The following TMCC1 variants were observed in gnomAD, a reference collection of about 807,000 sequenced individuals.
TMCC1 encodes transmembrane and coiled-coil domains protein 1.
TMCC1 carries 15 observed loss-of-function variants against 52.4 expected under a neutral mutation model. That is an observed-to-expected ratio of 0.29 (90% CI 0.19 to 0.44). The LOEUF is 0.44. Ranked by LOEUF, TMCC1 falls within the 20% of genes least tolerant of loss-of-function variation. TMCC1 has a pLI of 1.00. For synonymous variants in TMCC1, 279 were observed against 301.9 expected (o/e 0.92, Z 0.79); for missense variants, 503 against 806.0 (o/e 0.62, Z 4.55).
chr3:129,839,340 A>G (rs1028849041), intron 2 of TMCC1, among the ~76,000 whole-genome samples: 3 of 152,118 alleles, frequency 2.0e-5, no homozygotes, highest in Non-Finnish European at 4.4e-5. Context: ...CACCTGAAAA[A>G]CTCAGGTTAT....
chr3:129,779,614 CTT>C (rs2055348367), intron 4 of TMCC1, among the ~76,000 whole-genome samples: 1 of 152,252 alleles, frequency 6.6e-6, no homozygotes, highest in East Asian at 1.9e-4. Flanking sequence ...AGATTTACCT[CTT>C]TGAATTCTTT....
chr3:129,882,447 A>G (rs2061502870), intron 1 of TMCC1, among the ~76,000 whole-genome samples: 2 of 152,162 alleles, frequency 1.3e-5, no homozygotes, highest in South Asian at 4.1e-4. Context: ...ACTGGGGAAA[A>G]CAGTATGGAA....
intron 4 of TMCC1, among the ~76,000 whole-genome samples, chr3:129,750,178 TTTA>T (rs1440061657): frequency 2.0e-5 from 3 of 152,084 alleles, no homozygotes; most frequent in Non-Finnish European, 4.4e-5. Flanking sequence ...AAATCTTTAT[TTTA>T]TTATTATTTA....
chr3:129,771,797 A>AAAAT (rs60824072), intron 4 of TMCC1, among the ~76,000 whole-genome samples: 1 of 86,890 alleles, frequency 1.2e-5, no homozygotes, highest in Non-Finnish European at 2.4e-5. Flanking sequence ...AAAAAAAAAA[A>AAAAT]AAGAAGAAGA....
At chr3:129,794,277 G>A (rs979455050) in intron 4 of TMCC1, 1 of 456,150 alleles carries the variant, frequency 2.2e-6, no homozygotes. Context: ...CCATGCTGAA[G>A]CAAGTGAGAG....
At chr3:129,676,120 T>C (rs2088425048) in intron 4 of TMCC1, among the ~76,000 whole-genome samples, 1 of 151,744 alleles carries the variant, frequency 6.6e-6, no homozygotes, top group South Asian at 2.1e-4. Flanking sequence ...CCACCAGTTA[T>C]TACAAGGCAG....
chr3:129,854,678 T>A (rs1314822561), intron 2 of TMCC1, among the ~76,000 whole-genome samples: 1 of 152,142 alleles, frequency 6.6e-6, no homozygotes, highest in Non-Finnish European at 1.5e-5. Context: ...TGGACAACCA[T>A]CTCCCATCTA....
At position 129,827,951 on chromosome 3, in the gene TMCC1, T is replaced by C; in HGVS notation, c.428A>G (p.Gln143Arg). 6.2e-7 allele frequency: 1 copy of C among 1,614,176 alleles called. No individual in the cohort carries two copies. Among genetic ancestry groups the C allele is most frequent in the Non-Finnish European group, 8.5e-7 (1 of 1,180,012 alleles). The change falls in exon 4 of 7, where the codon CAG becomes CGG. Residue 143 changes from glutamine to arginine, a missense_variant. Around this residue, in one of 7 missense-constraint regions of TMCC1, gnomAD observed 217 missense variants for 297.9 expected, o/e 0.73. Transcript: ENST00000393238. The part of the protein sequence containing the change: ...GSPQINRKSG[Q>R]EMTAVMQSGR... ...TGACTGCATAACAGCTGTCATCTCC[T>C]GACCAGACTTCCTGTTGATTTGGGG... is the stretch of plus-strand genomic sequence containing the variant.
chr3:129,796,879 T>C (rs957341375), intron 4 of TMCC1, among the ~76,000 whole-genome samples: 15 of 152,178 alleles, frequency 9.9e-5, no homozygotes, highest in Non-Finnish European at 1.9e-4. Flanking sequence ...GAAAATCATG[T>C]AGTGTTTGTA....
chr3:129,871,075 T>A (rs1029543444), intron 2 of TMCC1, among the ~76,000 whole-genome samples: 40 of 152,054 alleles, frequency 2.6e-4, no homozygotes, highest in Non-Finnish European at 1.6e-4. Context: ...GAGTAGGATC[T>A]TGCCTGGGCG....
chr3:129,670,703 A>C lies in TMCC1; in HGVS notation c.1138T>G (p.Phe380Val). ...TTGGGGATGTTGTCTGCACTGCCAA[A>C]TTTGTTCCGAATGAGTGAGGCAATC... Reference protein sequence around the residue: ...REIASLIRNKFGSADNIPNLK... With the variant: ...REIASLIRNKVGSADNIPNLK... The change falls in exon 5 of 7, where the codon TTT (phenylalanine) becomes GTT (valine). Residue 380 changes from phenylalanine (F) to valine (V), a missense_variant. Transcript: ENST00000393238. 1.9e-6 allele frequency: 3 copies of C among 1,613,992 alleles called. No individual in the cohort carries two copies. Among genetic ancestry groups the C allele is most frequent in the Non-Finnish European group, 2.5e-6 (3 of 1,180,008 alleles).
At chr3:129,690,869 C>T (rs553752419) in intron 4 of TMCC1, among the ~76,000 whole-genome samples, 35 of 152,220 alleles carry the variant, frequency 2.3e-4, no homozygotes, top group Non-Finnish European at 4.0e-4. Flanking sequence ...TTAGAGGTTC[C>T]GCCAAGATGG....
chr3:129,730,678 A>G (rs1206572784), intron 4 of TMCC1, among the ~76,000 whole-genome samples: 1 of 152,196 alleles, frequency 6.6e-6, no homozygotes, highest in African/African-American at 2.4e-5. Flanking sequence ...AAGCTTGTCT[A>G]TCTCTACAAA....
At chr3:129,717,938 A>C (rs1227738391) in intron 4 of TMCC1, among the ~76,000 whole-genome samples, 3 of 152,202 alleles carry the variant, frequency 2.0e-5, no homozygotes, top group Non-Finnish European at 4.4e-5. Context: ...TGATACTATG[A>C]AATACATAGT....
At chr3:129,855,813 T>A (rs921032966) in intron 2 of TMCC1, among the ~76,000 whole-genome samples, 1 of 152,210 alleles carries the variant, frequency 6.6e-6, no homozygotes, top group African/African-American at 2.4e-5. Flanking sequence ...ATAAAAATAG[T>A]AGATATTATA....
chr3:129,691,664 G>A (rs1012205233), intron 4 of TMCC1, among the ~76,000 whole-genome samples: 1 of 152,062 alleles, frequency 6.6e-6, no homozygotes, highest in African/African-American at 2.4e-5. Flanking sequence ...CATGCCTGTA[G>A]TCCCAGCTAC....
chr3:129,808,690 ATAATG>A (rs1369797268), intron 4 of TMCC1, among the ~76,000 whole-genome samples: 1 of 151,440 alleles, frequency 6.6e-6, no homozygotes, highest in African/African-American at 2.4e-5. Flanking sequence ...TTACATTGGC[ATAATG>A]TAAACAGCAT....
chr3:129,875,810 T>C (rs2061175394), intron 2 of TMCC1, among the ~76,000 whole-genome samples: 2 of 152,170 alleles, frequency 1.3e-5, no homozygotes, highest in South Asian at 2.1e-4. Context: ...TGGCTGAGTA[T>C]GCTACATAGA....
At chr3:129,870,986 C>A (rs2060901987) in intron 2 of TMCC1, among the ~76,000 whole-genome samples, 1 of 151,582 alleles carries the variant, frequency 6.6e-6, no homozygotes, top group Admixed American at 6.6e-5. Context: ...TTTTTAACAG[C>A]CAAATCATAC....
Sources: allele counts gnomAD v4.1 joint callset (sites outside exome capture counted in the v4.1 genomes callset), GRCh38; gene constraint gnomAD v4.1.1; regional missense constraint gnomAD v4.1.1; transcripts MANE v1.5; gene names NCBI Gene and HGNC (gene_info 2026-07-23, HGNC 2026-07-21).